The following RECQL5 variants were observed in gnomAD, a reference collection of about 807,000 sequenced individuals.
The protein encoded by RECQL5 is RecQ like helicase 5.
Under a neutral mutation model 103.4 loss-of-function variants are expected in RECQL5, and 88 were observed. The ratio of observed to expected loss-of-function variants is 0.85; its 90% CI spans 0.72 to 1.02. The LOEUF (loss-of-function observed/expected upper bound fraction) is 1.02. RECQL5 is among the 50% of genes least tolerant of loss of function. The probability of loss-of-function intolerance (pLI) is 0.00; values close to 1 mark genes in which losing one functional copy is unlikely to be tolerated. For synonymous variants in RECQL5, 552 were observed against 507.9 expected, an observed-to-expected ratio of 1.09 and a Z score of -1.17; for missense variants, 1,232 against 1,284.3, an observed-to-expected ratio of 0.96 and a Z score of 0.62.
intron 8 of RECQL5, among the ~76,000 whole-genome samples, chr17:75,644,129 C>A (rs1225169450): frequency 1.3e-5 from 2 of 152,118 alleles, no homozygotes; most frequent in Non-Finnish European, 2.9e-5. Context: ...CATGGTGAAA[C>A]CTGTCTCTAC....
intron 8 of RECQL5, among the ~76,000 whole-genome samples, chr17:75,632,999 C>A (rs1394601057): frequency 6.6e-6 from 1 of 152,244 alleles, no homozygotes; most frequent in African/African-American, 2.4e-5. Flanking sequence ...GATTGCAACA[C>A]CCCGGTAAGG....
At chr17:75,667,011 G>A in intron 1 of RECQL5, 33 bp downstream of exon 1, 1 of 258,994 alleles carries the variant, frequency 3.9e-6, no homozygotes, top group Non-Finnish European at 7.5e-6. Context: ...TCTCTTGGCT[G>A]GCCGACACCT....
intron 3 of RECQL5, among the ~76,000 whole-genome samples, chr17:75,664,598 T>C (rs1242762225): frequency 6.6e-6 from 1 of 152,046 alleles, no homozygotes; most frequent in African/African-American, 2.4e-5. Context: ...ATATAGCGAA[T>C]GAGATAGGCA....
rs777570591 is a variant in RECQL5, at chr17:75,629,866, C to T, written c.1813-24G>A. The T allele has an allele frequency of 3.8e-6, 6 of 1,559,160 alleles. No individual in the cohort carries two copies. The Admixed American group carries it at 8.9e-5, about 23-fold the overall frequency. On this transcript the variant is annotated intron_variant, in intron 14 of 19. Coordinates refer to ENST00000317905, the MANE Select transcript of RECQL5 (RefSeq NM_004259.7). Reference sequence around the variant, plus strand: ...ACCTGGGCAGGGATAGGCAGGGAGGCTGTGGCACCCGCCAGCTCCTCCTGA... The same window carrying T: ...ACCTGGGCAGGGATAGGCAGGGAGGTTGTGGCACCCGCCAGCTCCTCCTGA...
chr17:75,640,594 A>G lies in RECQL5; in HGVS notation c.1230-8926T>C, dbSNP rs1465558918. Among the ~76,000 whole-genome samples, 1 of 152,126 alleles carries G rather than the reference A, an allele frequency of 6.6e-6. No individual in the cohort carries two copies. The highest frequency in any genetic ancestry group is 1.5e-5 in the Non-Finnish European group (1 of 68,000). Reference sequence around the variant, plus strand: ...AGCCAGGCTTGGGCAGTGAAAGAGAAGACACAACATGGAGGAGGTTGGCCC... The same window carrying G: ...AGCCAGGCTTGGGCAGTGAAAGAGAGGACACAACATGGAGGAGGTTGGCCC... On this transcript the variant is annotated intron_variant, in intron 8 of 19. Coordinates refer to ENST00000317905, the MANE Select transcript of RECQL5 (RefSeq NM_004259.7). This position sits in a 1 kb window ranked among gnomAD's most constrained non-coding sequence, Gnocchi z 4.6.
chr17:75,632,671 G>A (rs2059240417), intron 8 of RECQL5, among the ~76,000 whole-genome samples: 1 of 152,220 alleles, frequency 6.6e-6, no homozygotes, highest in South Asian at 2.1e-4. Context: ...ACGAGGCTCT[G>A]TCGCATCTCT....
chr17:75,662,209 T>A (rs753366468), intron 4 of RECQL5, among the ~76,000 whole-genome samples: 13 of 152,070 alleles, frequency 8.5e-5, no homozygotes, highest in Non-Finnish European at 1.9e-4. Flanking sequence ...CTGTTTAACT[T>A]CTCTGCCTCC....
intron 8 of RECQL5, among the ~76,000 whole-genome samples, chr17:75,643,845 G>C (rs956699091): frequency 7.2e-5 from 11 of 152,232 alleles, no homozygotes; most frequent in African/African-American, 2.7e-4. Flanking sequence ...CACTGCAGCA[G>C]CATCCTAAGT....
At chr17:75,633,291 C>T (rs1248075806) in intron 8 of RECQL5, 1 of 491,614 alleles carries the variant, frequency 2.0e-6, no homozygotes, top group East Asian at 8.3e-5. Context: ...TGCTCGGACT[C>T]AAAGAGCTCC....
At chr17:75,664,054 C>CAAAAAAA (rs34569441) in intron 3 of RECQL5, among the ~76,000 whole-genome samples, 1 of 105,656 alleles carries the variant, frequency 9.5e-6, no homozygotes, top group Admixed American at 1.1e-4. Context: ...AACTCCATCT[C>CAAAAAAA]AAAAAAAAAA....
intron 7 of RECQL5, among the ~76,000 whole-genome samples, chr17:75,654,386 T>G (rs1250371474): frequency 1.3e-5 from 2 of 152,192 alleles, no homozygotes; most frequent in Non-Finnish European, 2.9e-5. Context: ...TCCCTAGGCC[T>G]GGGACACAGC....
chr17:75,666,369 G>C, intron 2 of RECQL5, 59 bp downstream of exon 2: 7 of 1,588,202 alleles, frequency 4.4e-6, no homozygotes, highest in Non-Finnish European at 5.2e-6. Flanking sequence ...AGGGTGTTCT[G>C]CCGCAGCGTT....
Position 75,666,422 on chromosome 17 carries a change from T to C in RECQL5, c.130+6A>G. On this transcript the variant is annotated splice_donor_region_variant and intron_variant, in intron 2 of 19. Coordinates refer to ENST00000317905, the MANE Select transcript of RECQL5 (RefSeq NM_004259.7). ...AATTTAAAGGAAGGTAGCTTGGTAA[T>C]GTTACCTTTTACTACAGCCATGGTC... 1 of 1,613,762 alleles carries C rather than the reference T, an allele frequency of 6.2e-7. No homozygotes were observed. The highest frequency in any genetic ancestry group is 1.3e-5 in the African/African-American group (1 of 75,000).
At chr17:75,666,720 G>A (rs898812856) in intron 1 of RECQL5, 149 bp from the exon 2 acceptor site, 18 of 719,634 alleles carry the variant, frequency 2.5e-5, no homozygotes, top group Non-Finnish European at 3.6e-5. Flanking sequence ...AAGGTGAACT[G>A]CCTCAAGCAA....
chr17:75,657,435 T>C (rs902040396), intron 7 of RECQL5, among the ~76,000 whole-genome samples: 1 of 151,684 alleles, frequency 6.6e-6, no homozygotes, highest in Non-Finnish European at 1.5e-5. Context: ...CTTGACCACA[T>C]AAAATAACAT....
chr17:75,628,103 G>A (rs1489819842), intron 18 of RECQL5, 115 bp downstream of exon 18: 24 of 909,406 alleles, frequency 2.6e-5, no homozygotes, highest in Middle Eastern at 2.2e-4. Flanking sequence ...GAGGACGGGC[G>A]TGGGGCTGGC....
At chr17:75,649,272 T>G (rs551669896) in intron 8 of RECQL5, 1 of 152,332 alleles carries the variant, frequency 6.6e-6, no homozygotes, top group African/African-American at 2.4e-5. Flanking sequence ...CTGTTCCCTG[T>G]GACACTAAAA....
intron 8 of RECQL5, chr17:75,633,620 T>C (rs1212952667): frequency 8.3e-6 from 10 of 1,203,840 alleles, no homozygotes; most frequent in Admixed American, 3.2e-5. Flanking sequence ...GGCCACCAGC[T>C]CCCCACTGTT....
intron 8 of RECQL5, 113 bp downstream of exon 8, chr17:75,651,073 G>A (rs2059549280): frequency 6.3e-7 from 1 of 1,593,852 alleles, no homozygotes; most frequent in South Asian, 1.1e-5. Flanking sequence ...TTTGCAGGCA[G>A]GTGTCCCTTG....
Sources: allele counts gnomAD v4.1 joint callset (sites outside exome capture counted in the v4.1 genomes callset), GRCh38; gene constraint gnomAD v4.1.1; non-coding constraint Gnocchi (gnomAD v3.1); transcripts MANE v1.5; gene names NCBI Gene and HGNC (gene_info 2026-07-23, HGNC 2026-07-21).